MAST4: variants seen among roughly 807,000 people sequenced by gnomAD.
MAST4 encodes the protein microtubule associated serine/threonine kinase family member 4, also known as microtubule-associated serine/threonine-protein kinase 4.
Under a neutral mutation model 162.7 loss-of-function variants are expected in MAST4, and 89 were observed. The observed-to-expected ratio is 0.55, with a 90% CI of 0.46 to 0.65. The LOEUF is 0.65. Among genes scored for constraint, MAST4 ranks in the 30% least tolerant of loss-of-function variants. The pLI is 0.00. For missense variants in MAST4, 3,153 were observed against 3,374.0 expected (o/e 0.93, Z 1.62); for synonymous variants, 1,479 against 1,361.1 (o/e 1.09, Z -1.91).
chr5:66,844,125 T>C (rs886435806), intron 3 of MAST4, among the ~76,000 whole-genome samples: 1 of 146,030 alleles, frequency 6.8e-6, no homozygotes, highest in African/African-American at 2.6e-5. Flanking sequence ...CTTTAACAGC[T>C]GGTCCCAGTC....
At chr5:66,660,433 T>A (rs1166109633) in intron 1 of MAST4, among the ~76,000 whole-genome samples, 1 of 152,308 alleles carries the variant, frequency 6.6e-6, no homozygotes, top group East Asian at 1.9e-4. Context: ...TTCACTGCTA[T>A]ACATTATCCA....
At chr5:66,714,811 G>C (rs1750717103) in intron 1 of MAST4, among the ~76,000 whole-genome samples, 1 of 152,224 alleles carries the variant, frequency 6.6e-6, no homozygotes, top group Admixed American at 6.5e-5. Context: ...AGTCTGGTCT[G>C]TCTGTGGTAC....
At chr5:67,091,119 C>T (rs1250087113) in intron 6 of MAST4, among the ~76,000 whole-genome samples, 4 of 152,030 alleles carry the variant, frequency 2.6e-5, no homozygotes, top group Non-Finnish European at 5.9e-5. Flanking sequence ...TTAATAAAGA[C>T]ATATAGGTAG....
intron 3 of MAST4, among the ~76,000 whole-genome samples, chr5:66,813,855 A>G (rs1447635417): frequency 6.6e-6 from 1 of 152,210 alleles, no homozygotes; most frequent in Non-Finnish European, 1.5e-5. Context: ...TAGTAGTTTG[A>G]TGGGGAGACA....
chr5:66,597,038 GC>G lies in MAST4; in HGVS notation c.363+23del. 1 of 1,411,524 alleles carries G rather than the reference GC, an allele frequency of 7.1e-7. No individual in the cohort carries two copies. The highest frequency in any genetic ancestry group is 1.5e-5 in the South Asian group (1 of 65,380). 87.4% of individuals were successfully genotyped at this position (1,411,524 alleles called of 1,614,324 possible). On this transcript the variant is annotated intron_variant, in intron 1 of 28. Coordinates refer to ENST00000403625, the MANE Select transcript of MAST4 (RefSeq NM_001164664.2). ...GAGGAGGTGGGCCTTTCCCCAGCTT[GC>G]CCACTCTGGGTTCCGGCAGCCGGGC...
At chr5:66,739,703 C>T (rs1186884617) in intron 1 of MAST4, among the ~76,000 whole-genome samples, 4 of 152,028 alleles carry the variant, frequency 2.6e-5, no homozygotes, top group Admixed American at 6.6e-5. Context: ...CACAAGACAC[C>T]GGGATTCAGA....
At chr5:66,672,001 C>G (rs1747641358) in intron 1 of MAST4, among the ~76,000 whole-genome samples, 1 of 152,170 alleles carries the variant, frequency 6.6e-6, no homozygotes, top group Admixed American at 6.5e-5. Flanking sequence ...CTCAGAAACC[C>G]ACCAATGATG....
intron 1 of MAST4, among the ~76,000 whole-genome samples, chr5:66,731,158 C>T (rs918085629): frequency 5.3e-5 from 8 of 152,160 alleles, no homozygotes; most frequent in African/African-American, 1.7e-4. Flanking sequence ...CATTTTGGAG[C>T]TCCCATAGGG....
chr5:67,166,838 G>C lies in MAST4; in HGVS notation c.7659G>C (p.Val2553=), dbSNP rs56206043. 7.0e-3 allele frequency: 11,200 copies of C among 1,604,080 alleles called. 49 individuals carry two copies. The highest frequency in any genetic ancestry group is 8.7e-3 in the Non-Finnish European group (10,244 of 1,175,794). The change falls in exon 29 of 29, where the codon GTG becomes GTC. Residue 2553 remains valine (V), a synonymous_variant. Coordinates refer to ENST00000403625, the MANE Select transcript of MAST4 (RefSeq NM_001164664.2). Reference sequence around the variant, plus strand: ...GCCACCGGGACAGGGCTCTCTCGGTGACTGCCACCGTAGGGGAAACCAAAG... The same window carrying C: ...GCCACCGGGACAGGGCTCTCTCGGTCACTGCCACCGTAGGGGAAACCAAAG... The part of the protein sequence containing the change: ...GASHRDRALS[V]TATVGETKGK...
intron 1 of MAST4, among the ~76,000 whole-genome samples, chr5:66,704,232 C>T (rs1749969946): frequency 6.6e-6 from 1 of 152,130 alleles, no homozygotes; most frequent in South Asian, 2.1e-4. Context: ...ATTTGTTCAT[C>T]AGAAAAATAG....
intron 3 of MAST4, among the ~76,000 whole-genome samples, chr5:66,875,672 T>A (rs1284059393): frequency 2.0e-5 from 3 of 152,232 alleles, no homozygotes; most frequent in African/African-American, 4.8e-5. Flanking sequence ...TTTTTTCCCC[T>A]CATTTGTAAA....
intron 1 of MAST4, among the ~76,000 whole-genome samples, chr5:66,651,415 G>A (rs966547527): frequency 6.6e-6 from 1 of 151,922 alleles, no homozygotes; most frequent in Admixed American, 6.6e-5. Flanking sequence ...TTTCTCCCAT[G>A]TGTTAACTTT....
chr5:66,757,613 C>T (rs1422810342), intron 1 of MAST4, among the ~76,000 whole-genome samples: 1 of 145,814 alleles, frequency 6.9e-6, no homozygotes, highest in Non-Finnish European at 1.5e-5. Flanking sequence ...GTTCTTAGAA[C>T]AGGCATGTTG....
intron 4 of MAST4, among the ~76,000 whole-genome samples, chr5:66,964,469 C>G (rs918941427): frequency 6.6e-6 from 1 of 151,726 alleles, no homozygotes; most frequent in African/African-American, 2.4e-5. Context: ...GGAAGACACA[C>G]ATAGTGTACC....
chr5:66,930,583 G>A (rs1459097745), intron 4 of MAST4, among the ~76,000 whole-genome samples: 1 of 152,104 alleles, frequency 6.6e-6, no homozygotes, highest in Non-Finnish European at 1.5e-5. Flanking sequence ...TCAATGAGGA[G>A]TATATGAGGA....
At position 67,164,528 on chromosome 5, in the gene MAST4, G is replaced by A. The variant is rs1237110560; in HGVS notation, c.5349G>A (p.Lys1783=). 6.2e-7 allele frequency: 1 copy of A among 1,614,022 alleles called. No homozygotes were observed. Among genetic ancestry groups the A allele is most frequent in the Admixed American group, 1.7e-5 (1 of 60,030 alleles). ...GLVAPESPVR[K]SPSEYKLEGR... ...TTGCTCCTGAGTCCCCTGTTAGGAA[G>A]AGCCCCTCCGAGTATAAGCTGGAAG... The change falls in exon 29 of 29, where the codon AAG becomes AAA. Residue 1783 remains lysine, a synonymous_variant. Transcript: ENST00000403625. This position sits in a 1 kb window ranked among gnomAD's most constrained non-coding sequence, Gnocchi z 5.3.
chr5:67,004,726 G>T (rs1751759927), intron 4 of MAST4: 1 of 421,086 alleles, frequency 2.4e-6, no homozygotes. Flanking sequence ...AGCCTGACTA[G>T]GAGAGGGCAG....
At chr5:66,611,878 G>T (rs1398174954) in intron 1 of MAST4, among the ~76,000 whole-genome samples, 1 of 152,180 alleles carries the variant, frequency 6.6e-6, no homozygotes, top group Non-Finnish European at 1.5e-5. Flanking sequence ...AAAAGTGGTG[G>T]ATTATATAAC....
chr5:67,019,480 C>T (rs1432839337), intron 4 of MAST4, among the ~76,000 whole-genome samples: 2 of 152,218 alleles, frequency 1.3e-5, no homozygotes, highest in Non-Finnish European at 2.9e-5. Flanking sequence ...TAAACTTTAT[C>T]CCTTATGTAT....
Sources: gnomAD v4.1 joint callset for allele counts (sites outside exome capture counted in the v4.1 genomes callset) on GRCh38, gnomAD v4.1.1 for gene constraint, Gnocchi (gnomAD v3.1) non-coding constraint, MANE v1.5 for transcripts, NCBI Gene and HGNC (gene_info 2026-07-23, HGNC 2026-07-21) for gene names.